The following WIPF2 variants were observed in gnomAD, a reference collection of about 807,000 sequenced individuals.
The protein encoded by WIPF2 is WAS/WASL interacting protein family member 2.
In WIPF2, 23 loss-of-function variants were observed where a neutral mutation model predicts 38.8. The observed-to-expected ratio is 0.59, with a 90% CI of 0.43 to 0.84. WIPF2 has a LOEUF of 0.84. Among genes scored for constraint, WIPF2 ranks in the 40% least tolerant of loss-of-function variants. The pLI is 0.00. For synonymous variants in WIPF2, 210 were observed against 223.2 expected (o/e 0.94, Z 0.53); for missense variants, 574 against 580.5 (o/e 0.99, Z 0.11).
At position 40,277,086 on chromosome 17, in the gene WIPF2, A is replaced by G; in HGVS notation, c.1184A>G (p.Asp395Gly). 1 of 1,610,212 alleles carries G rather than the reference A, an allele frequency of 6.2e-7. No individual in the cohort carries two copies. The highest frequency in any genetic ancestry group is 1.1e-5 in the South Asian group (1 of 90,376). Residue 395 changes from aspartate (D) to glycine (G), a missense_variant, in exon 7 of 8, where the codon GAT becomes GGT. Asp to Gly is a moderately conservative substitution (Grantham distance 94). Coordinates refer to ENST00000323571, the MANE Select transcript of WIPF2 (RefSeq NM_133264.5). ...SITTVRSFLD[D>G]FESKYSFHPV... ...TAATGTTCTATTCTTTTCGCAGATG[A>G]TTTTGAGTCAAAGTATTCCTTCCAT... is the stretch of plus-strand genomic sequence containing the variant.
At chr17:40,244,616 A>G (rs62065232) in intron 1 of WIPF2, among the ~76,000 whole-genome samples, 1 of 152,124 alleles carries the variant, frequency 6.6e-6, no homozygotes, top group South Asian at 2.1e-4. Context: ...CGGTTCATTT[A>G]GGTTTCTTTG....
Position 40,263,187 on chromosome 17 carries a change from G to A in WIPF2, c.313+546G>A, listed in dbSNP as rs185876447. ...TTTTGGCACCAGGGACTGGTTTCAT[G>A]GAAGACAATTTTTCCATAGATGGTG... On this transcript the variant is annotated intron_variant, in intron 4 of 7. Transcript: ENST00000323571. Among the ~76,000 whole-genome samples, 13 of 152,202 alleles carry A rather than the reference G, an allele frequency of 8.5e-5. 1 individual carries two copies. In the East Asian group the frequency reaches 2.3e-3, roughly 27 times the overall value.
chr17:40,275,157 C>A (rs539268435), intron 6 of WIPF2, among the ~76,000 whole-genome samples: 2 of 145,074 alleles, frequency 1.4e-5, no homozygotes, highest in South Asian at 4.5e-4. Context: ...AGGAGAATCT[C>A]TTGAACCCAG....
intron 2 of WIPF2, among the ~76,000 whole-genome samples, chr17:40,257,290 T>C (rs2145365428): frequency 6.6e-6 from 1 of 152,204 alleles, no homozygotes; most frequent in South Asian, 2.1e-4. Context: ...GGATTCTTAG[T>C]GGTTGTTTCT....
intron 1 of WIPF2, among the ~76,000 whole-genome samples, chr17:40,229,394 G>A (rs1479136992): frequency 3.3e-5 from 5 of 150,278 alleles, no homozygotes; most frequent in African/African-American, 1.2e-4. Context: ...GGTGTGAGCC[G>A]CCGCACCTGG....
Position 40,277,215 on chromosome 17 carries a change from A to G in WIPF2, c.1282+31A>G, listed in dbSNP as rs780556169. On this transcript the variant is annotated intron_variant, in intron 7 of 7. Transcript: ENST00000323571. Reference sequence around the variant, plus strand: ...AATAATAATAAGAAGGTTTTTCCATAATTGCATAGAATGTAGAATCTGTGC... The same window carrying G: ...AATAATAATAAGAAGGTTTTTCCATGATTGCATAGAATGTAGAATCTGTGC... 67 of 1,535,244 alleles carry G rather than the reference A, an allele frequency of 4.4e-5. No individual in the cohort carries two copies. The South Asian group carries it at 7.7e-4, about 18-fold the overall frequency.
At chr17:40,225,716 C>T (rs549494376) in intron 1 of WIPF2, among the ~76,000 whole-genome samples, 2 of 152,164 alleles carry the variant, frequency 1.3e-5, no homozygotes, top group East Asian at 1.9e-4. Context: ...TGGAGTGTGG[C>T]GGCGTGATCT....
chr17:40,240,944 C>CAAAAAA (rs199547902), intron 1 of WIPF2, among the ~76,000 whole-genome samples: 1 of 87,028 alleles, frequency 1.1e-5, no homozygotes. Flanking sequence ...GACTCCGTCT[C>CAAAAAA]AAAAAAAAAA....
rs560940061 is a variant in WIPF2, at chr17:40,261,671, T to G, written c.197-854T>G. 3.4e-3 allele frequency among the ~76,000 whole-genome samples: 500 copies of G among 146,238 alleles called. 4 individuals are homozygous for G. Among genetic ancestry groups the G allele is most frequent in the African/African-American group, 0.011 (438 of 39,220 alleles). ...AGATCGGCCACTTGTTGTTGTTGTTTTTTTTTTTTGGTTTTTTTTGTTTTT... is the reference window on the plus strand; with the variant it reads ...AGATCGGCCACTTGTTGTTGTTGTTGTTTTTTTTTGGTTTTTTTTGTTTTT... On this transcript the variant is annotated intron_variant, in intron 3 of 7. Transcript: ENST00000323571.
intron 5 of WIPF2, among the ~76,000 whole-genome samples, chr17:40,271,400 T>C (rs1198256387): frequency 6.6e-6 from 1 of 152,180 alleles, no homozygotes; most frequent in Non-Finnish European, 1.5e-5. Flanking sequence ...TCCCAGCCCT[T>C]TGCTGAGGCG....
In WIPF2 at chr17:40,264,473, T is replaced by C. The variant is rs1285981035; in HGVS notation, c.314-17T>C. ...CTGTCCAGCTCTGTTGACCCTGTGT[T>C]GTCTATGTATTTGTAGAGAACCTAG... is the stretch of plus-strand genomic sequence containing the variant. On this transcript the variant is annotated splice_polypyrimidine_tract_variant and intron_variant, in intron 4 of 7. Coordinates refer to ENST00000323571, the MANE Select transcript of WIPF2 (RefSeq NM_133264.5). The C allele has an allele frequency of 6.2e-7, 1 of 1,613,702 alleles. No individual in the cohort carries two copies. Among genetic ancestry groups the C allele is most frequent in the Non-Finnish European group, 8.5e-7 (1 of 1,179,878 alleles).
chr17:40,252,372 T>C (rs748187605), intron 1 of WIPF2, among the ~76,000 whole-genome samples: 2 of 152,048 alleles, frequency 1.3e-5, no homozygotes, highest in African/African-American at 4.8e-5. Flanking sequence ...CTGATAGAAC[T>C]AGAAACCCAG....
intron 1 of WIPF2, among the ~76,000 whole-genome samples, chr17:40,224,893 G>GA (rs1323707412): frequency 1.3e-5 from 2 of 151,818 alleles, no homozygotes; most frequent in Non-Finnish European, 2.9e-5. Flanking sequence ...TTTTCTTCTT[G>GA]AGTGTGATTG....
intron 6 of WIPF2, among the ~76,000 whole-genome samples, chr17:40,275,115 G>A (rs1387692998): frequency 6.6e-6 from 1 of 151,050 alleles, no homozygotes; most frequent in Non-Finnish European, 1.5e-5. Context: ...ATGGCACGCA[G>A]CCATAATCCC....
chr17:40,230,449 A>G (rs764058416), intron 1 of WIPF2, among the ~76,000 whole-genome samples: 10 of 152,066 alleles, frequency 6.6e-5, no homozygotes, highest in Non-Finnish European at 1.5e-4. Flanking sequence ...TGATGAGACC[A>G]TCAGTGTCAT....
chr17:40,271,390 T>C (rs1211411651), intron 5 of WIPF2, among the ~76,000 whole-genome samples: 1 of 152,182 alleles, frequency 6.6e-6, no homozygotes, highest in East Asian at 1.9e-4. Flanking sequence ...ATGCCTATAA[T>C]CCCAGCCCTT....
At chr17:40,257,384 A>G (rs2031760227) in intron 2 of WIPF2, among the ~76,000 whole-genome samples, 2 of 152,250 alleles carry the variant, frequency 1.3e-5, no homozygotes, top group South Asian at 4.1e-4. Flanking sequence ...ATCAAGAAGG[A>G]AAGGAGTTTT....
At chr17:40,249,173 C>A (rs1229536748) in intron 1 of WIPF2, among the ~76,000 whole-genome samples, 3 of 152,100 alleles carry the variant, frequency 2.0e-5, no homozygotes, top group Non-Finnish European at 4.4e-5. Flanking sequence ...TTTAAAATAA[C>A]TTGCAATTGA....
At chr17:40,240,255 G>A (rs761498309) in intron 1 of WIPF2, among the ~76,000 whole-genome samples, 6 of 151,786 alleles carry the variant, frequency 4.0e-5, no homozygotes, top group Non-Finnish European at 7.4e-5. Flanking sequence ...AGTAGAGACG[G>A]GGTTTCACCA....
Sources: allele counts gnomAD v4.1 joint callset (sites outside exome capture counted in the v4.1 genomes callset), GRCh38; gene constraint gnomAD v4.1.1; transcripts MANE v1.5; gene names NCBI Gene and HGNC (gene_info 2026-07-23, HGNC 2026-07-21).